ZNF423: variants seen among roughly 807,000 people sequenced by gnomAD.
ZNF423 encodes Ebf-associated zinc finger protein.
Under a neutral mutation model 95.8 loss-of-function variants are expected in ZNF423, and 12 were observed. The observed-to-expected ratio is 0.13, with a 90% CI of 0.08 to 0.20. The LOEUF is 0.20. Among genes scored for constraint, ZNF423 ranks in the 10% least tolerant of loss-of-function variants. The pLI, the probability that ZNF423 is intolerant of heterozygous loss-of-function variation, is 1.00. For missense variants in ZNF423, 1,316 were observed against 1,737.1 expected (o/e 0.76, Z 4.31); for synonymous variants, 749 against 711.9 (o/e 1.05, Z -0.83).
intron 5 of ZNF423, among the ~76,000 whole-genome samples, chr16:49,594,238 C>T (rs1163607136): frequency 6.6e-6 from 1 of 152,104 alleles, no homozygotes; most frequent in African/African-American, 2.4e-5. Flanking sequence ...AAATTCCACA[C>T]TTCCCTCCCA....
chr16:49,835,740 G>T (rs575994545), intron 1 of ZNF423, among the ~76,000 whole-genome samples: 34 of 152,336 alleles, frequency 2.2e-4, no homozygotes, highest in South Asian at 6.2e-4. Context: ...GGAGGTGGTG[G>T]GGGGGCAGAG....
intron 3 of ZNF423, among the ~76,000 whole-genome samples, chr16:49,704,659 A>G (rs4238810): frequency 0.28 from 43,165 of 151,960 alleles, 7,599 homozygotes; most frequent in African/African-American, 0.5. Context: ...GCTCCAGTAG[A>G]TCTGGAGGGA....
Position 49,855,059 on chromosome 16 carries a change from G to T in ZNF423, c.40+676C>A. ...GCCGTGCAGACAATGAACTCCTGGC[G>T]GAGGCTCCCTGCCCGGTGGGCCTCG... On this transcript the variant is annotated intron_variant, in intron 1 of 7. Coordinates refer to ENST00000563137, the MANE Select transcript of ZNF423 (RefSeq NM_001379286.1). This position sits in a 1 kb window ranked among gnomAD's most constrained non-coding sequence, Gnocchi z 4.7. The T allele has an allele frequency of 2.0e-6, 2 of 984,272 alleles. No individual in the cohort carries two copies. Among genetic ancestry groups the T allele is most frequent in the Non-Finnish European group, 2.4e-6 (2 of 829,284 alleles). The allele number at this position is 984,272 out of a possible 1,614,324, so 61.0% of individuals were successfully genotyped here.
At chr16:49,665,486 T>C (rs959776360) in intron 3 of ZNF423, among the ~76,000 whole-genome samples, 1 of 152,128 alleles carries the variant, frequency 6.6e-6, no homozygotes. Context: ...AAGCAGGCTC[T>C]CCGTGGAGAC....
intron 5 of ZNF423, among the ~76,000 whole-genome samples, chr16:49,579,478 C>CT (rs555474797): frequency 4.3e-4 from 65 of 152,280 alleles, no homozygotes; most frequent in African/African-American, 1.5e-3. Flanking sequence ...TGGCCCTGGT[C>CT]TTTAACTAAA....
chr16:49,838,215 C>T (rs1202439565), intron 1 of ZNF423, among the ~76,000 whole-genome samples: 1 of 152,186 alleles, frequency 6.6e-6, no homozygotes, highest in Non-Finnish European at 1.5e-5. Context: ...GCCTCCAGCC[C>T]ACCACGCAGG....
At chr16:49,583,387 T>C (rs1970731856) in intron 5 of ZNF423, among the ~76,000 whole-genome samples, 1 of 152,170 alleles carries the variant, frequency 6.6e-6, no homozygotes, top group South Asian at 2.1e-4. Flanking sequence ...AATCACACCA[T>C]AAGTGGGGAA....
chr16:49,698,064 A>T (rs1321687634), intron 3 of ZNF423, among the ~76,000 whole-genome samples: 1 of 152,128 alleles, frequency 6.6e-6, no homozygotes, highest in African/African-American at 2.4e-5. Flanking sequence ...CAGCCAGGAG[A>T]TGGAGAGTGC....
At chr16:49,624,816 C>T (rs1229117459) in intron 5 of ZNF423, among the ~76,000 whole-genome samples, 4 of 152,208 alleles carry the variant, frequency 2.6e-5, no homozygotes, top group African/African-American at 9.6e-5. Flanking sequence ...TATTATTAGA[C>T]ATCAGCATCG....
chr16:49,563,878 A>G (rs1970096585), intron 5 of ZNF423, among the ~76,000 whole-genome samples: 5 of 152,262 alleles, frequency 3.3e-5, no homozygotes, highest in Admixed American at 3.3e-4. Context: ...TGTCTGCTCA[A>G]GAGCCTCCAA....
rs531066406 is a variant in ZNF423 at position 49,589,682 on chromosome 16, T to A, written c.3601+36488A>T. 7.9e-4 allele frequency among the ~76,000 whole-genome samples: 121 copies of A among 152,236 alleles called. 1 individual carries two copies. Among genetic ancestry groups the A allele is most frequent in the African/African-American group, 2.7e-3 (114 of 41,550 alleles). On this transcript the variant is annotated intron_variant, in intron 5 of 7. Transcript: ENST00000563137. The stretch of plus-strand genomic sequence containing the variant: ...CTCTGAGCCATAGCAAGGCTGATAA[T>A]TTAAATGAAAAAATATATATACAGG...
chr16:49,562,658 C>T (rs189128747), intron 5 of ZNF423, among the ~76,000 whole-genome samples: 213 of 152,338 alleles, frequency 1.4e-3, no homozygotes, highest in Middle Eastern at 3.4e-3. Context: ...GATTCATGAA[C>T]GGATTCTAGA....
At chr16:49,555,727 G>C (rs1969799858) in intron 5 of ZNF423, among the ~76,000 whole-genome samples, 1 of 152,152 alleles carries the variant, frequency 6.6e-6, no homozygotes, top group South Asian at 2.1e-4. Flanking sequence ...TGAATGAGTG[G>C]GCGGATGGAA....
chr16:49,746,779 G>A (rs1369270375), intron 2 of ZNF423, among the ~76,000 whole-genome samples: 1 of 152,144 alleles, frequency 6.6e-6, no homozygotes, highest in Non-Finnish European at 1.5e-5. Flanking sequence ...GCCAAGACTG[G>A]GCGCTTTCTA....
intron 3 of ZNF423, among the ~76,000 whole-genome samples, chr16:49,660,144 T>A (rs1031871756): frequency 2.6e-5 from 4 of 152,190 alleles, no homozygotes; most frequent in Non-Finnish European, 5.9e-5. Flanking sequence ...AAGCCCTGGA[T>A]TCCTGGATCC....
intron 5 of ZNF423, among the ~76,000 whole-genome samples, chr16:49,582,574 G>T (rs1229128926): frequency 2.0e-5 from 3 of 152,200 alleles, no homozygotes; most frequent in Non-Finnish European, 4.4e-5. Context: ...AATAACCAAT[G>T]TAATTGATCC....
intron 3 of ZNF423, among the ~76,000 whole-genome samples, chr16:49,701,442 T>C (rs1453379055): frequency 6.6e-6 from 1 of 151,798 alleles, no homozygotes; most frequent in African/African-American, 2.4e-5. Flanking sequence ...GATTTTCTCA[T>C]CTTTAATGTG....
intron 2 of ZNF423, among the ~76,000 whole-genome samples, chr16:49,772,931 A>G (rs911801439): frequency 2.0e-5 from 3 of 152,246 alleles, no homozygotes; most frequent in African/African-American, 7.2e-5. Flanking sequence ...CAGAAAATGT[A>G]TAATCATAGC....
At chr16:49,774,336 C>A (rs1054228148) in intron 2 of ZNF423, among the ~76,000 whole-genome samples, 1 of 152,130 alleles carries the variant, frequency 6.6e-6, no homozygotes, top group African/African-American at 2.4e-5. Context: ...CTCCACAGGG[C>A]ACCCGCCAGA....
Sources: allele counts gnomAD v4.1 joint callset (sites outside exome capture counted in the v4.1 genomes callset), GRCh38; gene constraint gnomAD v4.1.1; non-coding constraint Gnocchi (gnomAD v3.1); transcripts MANE v1.5; gene names NCBI Gene and HGNC (gene_info 2026-07-23, HGNC 2026-07-21).